The following QTMAN variants were observed in gnomAD, a reference collection of about 807,000 sequenced individuals.
QTMAN encodes the protein queuosine-tRNA mannosyltransferase.
At chr2:144,192,692 C>T in the QTMAN span, among the ~76,000 whole-genome samples, 2 of 152,184 alleles carry the variant, frequency 1.3e-5, no homozygotes, top group African/African-American at 4.8e-5. Flanking sequence ...ACAATGCTTT[C>T]AGCATATTTG....
chr2:144,054,723 G>A, the QTMAN span, among the ~76,000 whole-genome samples: 2 of 152,106 alleles, frequency 1.3e-5, no homozygotes, highest in Admixed American at 1.3e-4. Flanking sequence ...CTGCTCTGAG[G>A]CCAACTGTTC....
chr2:144,003,042 A>C, the QTMAN span, among the ~76,000 whole-genome samples: 1 of 151,880 alleles, frequency 6.6e-6, no homozygotes, highest in African/African-American at 2.4e-5. Flanking sequence ...AATATAGTTA[A>C]TTTTCATAAA....
At chr2:144,079,170 A>C in the QTMAN span, among the ~76,000 whole-genome samples, 1 of 152,160 alleles carries the variant, frequency 6.6e-6, no homozygotes, top group South Asian at 2.1e-4. Context: ...GAAATAGAGG[A>C]GGCAAAGTAT....
At chr2:144,057,503 C>T in the QTMAN span, among the ~76,000 whole-genome samples, 1 of 152,276 alleles carries the variant, frequency 6.6e-6, no homozygotes, top group South Asian at 2.1e-4. Flanking sequence ...CATGATGATC[C>T]TGACCACTTA....
At chr2:144,302,667 G>T in the QTMAN span, among the ~76,000 whole-genome samples, 2 of 152,210 alleles carry the variant, frequency 1.3e-5, no homozygotes, top group East Asian at 3.8e-4. Flanking sequence ...AGGCCAGTCA[G>T]AACACCGGCC....
chr2:143,994,336 A>T, the QTMAN span, among the ~76,000 whole-genome samples: 1 of 152,218 alleles, frequency 6.6e-6, no homozygotes, highest in Non-Finnish European at 1.5e-5. Context: ...GCCTGTTTTT[A>T]AAAAACTTAA....
the QTMAN span, among the ~76,000 whole-genome samples, chr2:144,109,844 C>T: frequency 1.3e-5 from 2 of 152,234 alleles, no homozygotes; most frequent in African/African-American, 4.8e-5. Context: ...CAGTGAGATA[C>T]CATCTCACAC....
chr2:144,125,992 G>A, the QTMAN span, among the ~76,000 whole-genome samples: 8 of 152,092 alleles, frequency 5.3e-5, no homozygotes, highest in South Asian at 8.3e-4. Flanking sequence ...ATGCCAACAC[G>A]TATGGAGAAA....
chr2:143,965,668 C>T, the QTMAN span, among the ~76,000 whole-genome samples: 1 of 152,160 alleles, frequency 6.6e-6, no homozygotes, highest in Non-Finnish European at 1.5e-5. Flanking sequence ...CACCTCTGGC[C>T]TCTACCTACT....
chr2:143,985,919 T>C, the QTMAN span, among the ~76,000 whole-genome samples: 1 of 152,236 alleles, frequency 6.6e-6, no homozygotes, highest in East Asian at 1.9e-4. Flanking sequence ...ATTTGGGAAG[T>C]ATTTAAATGA....
At chr2:144,179,513 G>A in the QTMAN span, among the ~76,000 whole-genome samples, 6 of 152,112 alleles carry the variant, frequency 3.9e-5, no homozygotes, top group Non-Finnish European at 8.8e-5. Context: ...ATACAATTAA[G>A]CCCAATGTTC....
chr2:144,061,198 T>C, the QTMAN span, among the ~76,000 whole-genome samples: 3 of 152,212 alleles, frequency 2.0e-5, no homozygotes, highest in Admixed American at 1.3e-4. Context: ...CATTTTTTTA[T>C]AGCTTGGAAG....
the QTMAN span, among the ~76,000 whole-genome samples, chr2:144,064,301 C>T: frequency 6.6e-6 from 1 of 152,226 alleles, no homozygotes; most frequent in Non-Finnish European, 1.5e-5. Context: ...ACATTACCTA[C>T]ATTCTGAGAA....
At chr2:144,307,004 C>T in the QTMAN span, among the ~76,000 whole-genome samples, 3 of 150,742 alleles carry the variant, frequency 2.0e-5, no homozygotes, top group African/African-American at 4.9e-5. Flanking sequence ...CTACTAAAAA[C>T]ACAAAAATTA....
chr2:144,285,533 G>C, the QTMAN span, among the ~76,000 whole-genome samples: 1 of 152,276 alleles, frequency 6.6e-6, no homozygotes, highest in South Asian at 2.1e-4. Context: ...GAAAGTGGCA[G>C]AACTGTGACT....
At chr2:144,204,528 C>T in the QTMAN span, among the ~76,000 whole-genome samples, 5 of 152,166 alleles carry the variant, frequency 3.3e-5, no homozygotes, top group Non-Finnish European at 7.3e-5. Context: ...AATAGGAACA[C>T]TTTTACACTG....
chr2:144,159,912 C>T, the QTMAN span, among the ~76,000 whole-genome samples: 1 of 151,818 alleles, frequency 6.6e-6, no homozygotes, highest in Non-Finnish European at 1.5e-5. Context: ...GTACACAGTG[C>T]GGGGATGCTG....
At chr2:144,177,005 A>T in the QTMAN span, 1 of 620,124 alleles carries the variant, frequency 1.6e-6, no homozygotes, top group East Asian at 2.7e-5. Flanking sequence ...TCAGAGCAGG[A>T]CAAAGAGAGA....
At chr2:144,129,608 T>C in the QTMAN span, among the ~76,000 whole-genome samples, 3 of 151,990 alleles carry the variant, frequency 2.0e-5, no homozygotes, top group Non-Finnish European at 4.4e-5. Context: ...TATTTAAACA[T>C]TTCCCAGCAT....
Sources: gnomAD v4.1 joint callset for allele counts (sites outside exome capture counted in the v4.1 genomes callset) on GRCh38, gnomAD v4.1.1 for gene constraint, MANE v1.5 for transcripts, NCBI Gene and HGNC (gene_info 2026-07-23, HGNC 2026-07-21) for gene names.